The following DNAJB13 variants were observed in gnomAD, a reference collection of about 807,000 sequenced individuals.
The protein encoded by DNAJB13 is DnaJ heat shock protein family (Hsp40) member B13, also known as dnaJ homolog subfamily B member 13.
DNAJB13 carries 22 observed loss-of-function variants against 35.6 expected under a neutral mutation model. The ratio of observed to expected loss-of-function variants is 0.62; its 90% CI spans 0.44 to 0.88. The LOEUF (loss-of-function observed/expected upper bound fraction) is 0.88, where lower values mean the gene tolerates loss of function less well. Among genes scored for constraint, DNAJB13 ranks in the 40% least tolerant of loss-of-function variants. DNAJB13 has a pLI of 0.00. For synonymous variants in DNAJB13, 136 were observed against 144.2 expected, an observed-to-expected ratio of 0.94 and a Z score of 0.41; for missense variants, 370 against 384.3, an observed-to-expected ratio of 0.96 and a Z score of 0.31.
Position 73,964,974 on chromosome 11 carries a change from T to G in DNAJB13, c.431T>G (p.Leu144Arg). 1.2e-6 allele frequency: 2 copies of G among 1,612,792 alleles called. No individual in the cohort carries two copies. The highest frequency in any genetic ancestry group is 1.7e-6 in the Non-Finnish European group (2 of 1,179,718). The change falls in exon 4 of 8, where the codon CTC becomes CGC. Residue 144 changes from leucine to arginine, a missense_variant. Physicochemically the swap from Leu to Arg is moderately radical, Grantham distance 102. Transcript: ENST00000339764. Reference sequence around the variant, plus strand: ...CAGGACCCCCAAGTCGAACGGGATCTCTACCTGTCCCTGGAGGACTTATTC... The same window carrying G: ...CAGGACCCCCAAGTCGAACGGGATCGCTACCTGTCCCTGGAGGACTTATTC... ...KKQDPQVERD[L>R]YLSLEDLFFG... is the part of the protein sequence containing the mutation.
chr11:73,962,516 C>A (rs1950963528), intron 3 of DNAJB13, among the ~76,000 whole-genome samples: 1 of 142,698 alleles, frequency 7.0e-6, no homozygotes, highest in African/African-American at 3.1e-5. Context: ...TGGATGGGTG[C>A]GTGATTCCAG....
At chr11:73,958,062 A>T (rs1950808711) in intron 1 of DNAJB13, among the ~76,000 whole-genome samples, 1 of 152,164 alleles carries the variant, frequency 6.6e-6, no homozygotes, top group South Asian at 2.1e-4. Flanking sequence ...ACACGTAAGC[A>T]TTGAGGGCAG....
At chr11:73,963,946 T>A (rs56723437) in intron 3 of DNAJB13, 1 of 152,146 alleles carries the variant, frequency 6.6e-6, no homozygotes. Context: ...GTGGTTCAGA[T>A]CCCAACTCTA....
In DNAJB13 at chr11:73,951,036, G is replaced by C; in HGVS notation, c.-34G>C. On this transcript the variant is annotated 5_prime_UTR_variant, in exon 1 of 8. Coordinates refer to ENST00000339764, the MANE Select transcript of DNAJB13 (RefSeq NM_153614.4). ...ACTAACAGCCTTGCTAGAGTCTGAGGACTATCCAGGGCCTGACTGCCAGCT... is the reference window on the plus strand; with the variant it reads ...ACTAACAGCCTTGCTAGAGTCTGAGCACTATCCAGGGCCTGACTGCCAGCT... 1 of 1,612,492 alleles carries C rather than the reference G, an allele frequency of 6.2e-7. No homozygotes were observed. Among genetic ancestry groups the C allele is most frequent in the Non-Finnish European group, 8.5e-7 (1 of 1,179,214 alleles).
In DNAJB13 at chr11:73,958,428, G is replaced by A. The variant is rs368039225; in HGVS notation, c.172+8G>A. 3.1e-6 allele frequency: 5 copies of A among 1,613,394 alleles called. No homozygotes were observed. In the East Asian group the frequency reaches 6.7e-5, roughly 22 times the overall value. On this transcript the variant is annotated splice_region_variant and intron_variant, in intron 2 of 7. Coordinates refer to ENST00000339764, the MANE Select transcript of DNAJB13 (RefSeq NM_153614.4). ...ACGACGTGCTGAGTGACCGTGAGTA[G>A]GTGTGGGGCTGAGCACCCCGCTTGA...
At chr11:73,969,903 C>A in intron 7 of DNAJB13, 58 bp from the exon 8 acceptor site, 3 of 1,547,456 alleles carry the variant, frequency 1.9e-6, no homozygotes, top group Non-Finnish European at 2.6e-6. Context: ...ATGACAGGGA[C>A]CTGCTGAGGT....
At chr11:73,960,578 T>C (rs940716833) in intron 3 of DNAJB13, among the ~76,000 whole-genome samples, 1 of 152,090 alleles carries the variant, frequency 6.6e-6, no homozygotes, top group African/African-American at 2.4e-5. Context: ...CACCTCGGCC[T>C]CCCAAAGTGC....
chr11:73,953,308 G>A (rs757653599), intron 1 of DNAJB13, among the ~76,000 whole-genome samples: 3 of 152,100 alleles, frequency 2.0e-5, no homozygotes, highest in Non-Finnish European at 4.4e-5. Context: ...GGCGGATCAC[G>A]AGGTCAGGAG....
rs1438382403 is a variant in DNAJB13, at chr11:73,965,028, C to G, written c.485C>G (p.Ser162Cys). ...GGCTGCACCAAAAAAATTAAGATCT[C>G]CAGAAGGGTGAGTACTCAGCTTGCT... ...FFGCTKKIKI[S>C]RRVLNEDGYS... The change falls in exon 4 of 8, where the codon TCC becomes TGC. Residue 162 changes from serine (S) to cysteine (C), a missense_variant. Coordinates refer to ENST00000339764, the MANE Select transcript of DNAJB13 (RefSeq NM_153614.4). 1.3e-6 allele frequency: 2 copies of G among 1,585,878 alleles called. No individual in the cohort carries two copies. Among genetic ancestry groups the G allele is most frequent in the East Asian group, 2.2e-5 (1 of 44,688 alleles).
At chr11:73,964,494 G>A (rs1951022981) in intron 3 of DNAJB13, 1 of 263,876 alleles carries the variant, frequency 3.8e-6, no homozygotes, top group Non-Finnish European at 7.4e-6. Flanking sequence ...GCACTCCTGA[G>A]CGCGGCCACC....
At chr11:73,964,781 GT>G in intron 3 of DNAJB13, 96 bp from the exon 4 acceptor site, 1 of 726,020 alleles carries the variant, frequency 1.4e-6, no homozygotes. Flanking sequence ...GTGTGTGTGT[GT>G]GTGTGTGTGT....
At chr11:73,969,182 C>A in intron 6 of DNAJB13, 64 bp from the exon 7 acceptor site, 1 of 740,016 alleles carries the variant, frequency 1.4e-6, no homozygotes, top group Admixed American at 2.5e-5. Context: ...TCCTAAGGTG[C>A]CTTCTAAATA....
At chr11:73,951,180 A>G (rs190365274) in intron 1 of DNAJB13, 43 bp downstream of exon 1, 9 of 1,610,822 alleles carry the variant, frequency 5.6e-6, no homozygotes, top group Non-Finnish European at 7.6e-6. Context: ...GTGCTGGGGC[A>G]GGCCCTGCCC....
chr11:73,963,182 A>AAACAAACC (rs1393306977), intron 3 of DNAJB13, among the ~76,000 whole-genome samples: 1 of 151,936 alleles, frequency 6.6e-6, no homozygotes, highest in East Asian at 1.9e-4. Flanking sequence ...ACAAACAAAC[A>AAACAAACC]AAAACAAAAA....
At chr11:73,969,025 T>A (rs1419344676) in intron 6 of DNAJB13, among the ~76,000 whole-genome samples, 3 of 152,204 alleles carry the variant, frequency 2.0e-5, no homozygotes, top group African/African-American at 7.2e-5. Flanking sequence ...TCTGTCTCCA[T>A]CATTACATTT....
At chr11:73,964,823 G>GCT in intron 3 of DNAJB13, 55 bp from the exon 4 acceptor site, 3 of 1,474,044 alleles carry the variant, frequency 2.0e-6, no homozygotes, top group East Asian at 4.7e-5. Context: ...GCGCGCGCGC[G>GCT]CATGTCTGGG....
intron 1 of DNAJB13, among the ~76,000 whole-genome samples, chr11:73,955,587 G>A (rs910383902): frequency 2.0e-5 from 3 of 152,014 alleles, no homozygotes; most frequent in Non-Finnish European, 4.4e-5. Flanking sequence ...GGGATTACAG[G>A]AGACTGAGAT....
At chr11:73,959,407 T>G in intron 2 of DNAJB13, 87 bp from the exon 3 acceptor site, 1 of 1,484,998 alleles carries the variant, frequency 6.7e-7, no homozygotes, top group Admixed American at 2.0e-5. Flanking sequence ...GCCCCTTCCC[T>G]TTCTCCATAT....
chr11:73,957,683 CAG>C (rs1186964932), intron 1 of DNAJB13, among the ~76,000 whole-genome samples: 1 of 152,062 alleles, frequency 6.6e-6, no homozygotes. Context: ...AAAAAATGAG[CAG>C]AGAGAGGGTG....
Sources: gnomAD v4.1 joint callset for allele counts (sites outside exome capture counted in the v4.1 genomes callset) on GRCh38, gnomAD v4.1.1 for gene constraint, MANE v1.5 for transcripts, NCBI Gene and HGNC (gene_info 2026-07-23, HGNC 2026-07-21) for gene names.